The following YLPM1 variants were observed in gnomAD, a reference collection of about 807,000 sequenced individuals.
The protein encoded by YLPM1 is YLP motif-containing protein 1.
In YLPM1, 99 loss-of-function variants were observed where a neutral mutation model predicts 230.0. That is an observed-to-expected ratio of 0.43 (90% CI 0.37 to 0.51). The LOEUF (loss-of-function observed/expected upper bound fraction) is 0.51. YLPM1 is among the 20% of genes least tolerant of loss of function. The pLI, the probability that YLPM1 is intolerant of heterozygous loss-of-function variation, is 0.00. For synonymous variants in YLPM1, 984 were observed against 942.5 expected (o/e 1.04, Z -0.81); for missense variants, 2,592 against 2,707.7 (o/e 0.96, Z 0.95).
At chr14:74,814,554 T>C (rs2091461969) in intron 11 of YLPM1, among the ~76,000 whole-genome samples, 1 of 152,250 alleles carries the variant, frequency 6.6e-6, no homozygotes, top group Non-Finnish European at 1.5e-5. Context: ...TATGATGTGT[T>C]ACATTAATTG....
At chr14:74,814,253 C>T (rs983781460) in intron 11 of YLPM1, among the ~76,000 whole-genome samples, 3 of 152,212 alleles carry the variant, frequency 2.0e-5, no homozygotes, top group African/African-American at 7.2e-5. Context: ...CCCAGCTACT[C>T]AGGAGGCTAA....
chr14:74,780,377 A>C lies in YLPM1; in HGVS notation c.1111-28A>C, dbSNP rs539306004. On this transcript the variant is annotated intron_variant, in intron 2 of 20. Transcript: ENST00000325680. ...TTTTGCTTGCTGTTTTATGACTTAC[A>C]TAAAGATGTGTCCTCTTTTATCTTT... 2.8e-5 allele frequency: 44 copies of C among 1,582,186 alleles called. 2 individuals are homozygous for C. The South Asian group carries it at 4.7e-4, about 17-fold the overall frequency.
At chr14:74,824,198 G>C (rs1222138069) in intron 17 of YLPM1, 58 bp from the exon 18 acceptor site, 1 of 1,541,682 alleles carries the variant, frequency 6.5e-7, no homozygotes, top group Non-Finnish European at 8.9e-7. Flanking sequence ...GTTCAAACGT[G>C]ATATGCATGT....
rs1425403323 is a variant in YLPM1, at chr14:74,816,699, T to C, written c.5685+9T>C. 1 of 1,607,778 alleles carries C rather than the reference T, an allele frequency of 6.2e-7. No homozygotes were observed. The highest frequency in any genetic ancestry group is 1.3e-5 in the African/African-American group (1 of 74,708). The stretch of plus-strand genomic sequence containing the variant: ...AGAAAGTGAAAAAGAAGGTATGGTA[T>C]TCATCTCAGATCTCGTTCTGATTCA... On this transcript the variant is annotated intron_variant, in intron 13 of 20. Coordinates refer to ENST00000325680, the MANE Select transcript of YLPM1 (RefSeq NM_019589.3).
At chr14:74,808,469 T>A (rs1405550135) in intron 6 of YLPM1, among the ~76,000 whole-genome samples, 1 of 152,198 alleles carries the variant, frequency 6.6e-6, no homozygotes, top group African/African-American at 2.4e-5. Flanking sequence ...TTATTTTTCT[T>A]GGATAGATAC....
chr14:74,828,436 C>A (rs183490321), intron 18 of YLPM1, among the ~76,000 whole-genome samples: 1 of 152,162 alleles, frequency 6.6e-6, no homozygotes, highest in Non-Finnish European at 1.5e-5. Context: ...ATTTTCATTG[C>A]GTGTTCTTCT....
intron 4 of YLPM1, among the ~76,000 whole-genome samples, chr14:74,787,526 C>T (rs941124840): frequency 6.6e-6 from 1 of 151,792 alleles, no homozygotes; most frequent in African/African-American, 2.4e-5. Context: ...CGAGTCACTA[C>T]ACTCCAGCCT....
intron 6 of YLPM1, among the ~76,000 whole-genome samples, chr14:74,804,888 G>T (rs536491836): frequency 6.6e-6 from 1 of 151,848 alleles, no homozygotes; most frequent in African/African-American, 2.4e-5. Flanking sequence ...ATTATTTTTT[G>T]ATTTACAATA....
chr14:74,829,468 T>C, intron 19 of YLPM1, 125 bp downstream of exon 19: 1 of 1,341,794 alleles, frequency 7.5e-7, no homozygotes, highest in Non-Finnish European at 1.0e-6. Context: ...CGCTATGTCA[T>C]GTATCCCAAG....
chr14:74,798,706 C>G lies in YLPM1; in HGVS notation c.3409C>G (p.Arg1137Gly). ...TGGGAGTAGAGAGAGAATACCACCC[C>G]GAAGAGCTGGGAGCAGGGAGAGAGG... Reference protein sequence around the residue: ...RAGSRERIPPRRAGSRERGPP... With the variant: ...RAGSRERIPPGRAGSRERGPP... The change falls in exon 5 of 21, where the codon CGA (arginine) becomes GGA (glycine). Residue 1137 changes from arginine (R) to glycine (G), a missense_variant. Arg to Gly is a moderately radical substitution (Grantham distance 125, BLOSUM62 -2). Coordinates refer to ENST00000325680, the MANE Select transcript of YLPM1 (RefSeq NM_019589.3). The G allele has an allele frequency of 6.2e-7, 1 of 1,611,534 alleles. No individual in the cohort carries two copies. Among genetic ancestry groups the G allele is most frequent in the Non-Finnish European group, 8.5e-7 (1 of 1,178,576 alleles).
chr14:74,822,062 A>G (rs1594843868), intron 17 of YLPM1: 2 of 152,294 alleles, frequency 1.3e-5, no homozygotes, highest in Admixed American at 6.5e-5. Context: ...GATGGTGTCA[A>G]CCTCTACATT....
chr14:74,778,594 C>A lies in YLPM1; in HGVS notation c.1021C>A (p.Gln341Lys). ...AGAAGTTACAGTACCTGCCACCAGT[C>A]AAGTTCCAGAATCTCCTTCTTCTGA... Reference protein sequence around the residue: ...KEEVTVPATSQVPESPSSEEP... With the variant: ...KEEVTVPATSKVPESPSSEEP... The change falls in exon 2 of 21, where the codon CAA becomes AAA. Residue 341 changes from glutamine to lysine, a missense_variant. Physicochemically the swap from Gln to Lys is moderately conservative, Grantham distance 53 (BLOSUM62 1). This residue lies in a region of YLPM1 where 1,862 missense variants were observed against 1,819.8 expected (regional missense o/e 1.02). Transcript: ENST00000325680. 1.2e-6 allele frequency: 2 copies of A among 1,601,262 alleles called. No homozygotes were observed. The highest frequency in any genetic ancestry group is 1.1e-5 in the South Asian group (1 of 88,206).
At position 74,826,120 on chromosome 14, in the gene YLPM1, T is replaced by A. The variant is rs556082889; in HGVS notation, c.6163+1813T>A. ...AATCTAGGAAATAAATTTTAACATA[T>A]TTACAGTCGGGTTTTTATTTTTTAA... On this transcript the variant is annotated intron_variant, in intron 18 of 20. Coordinates refer to ENST00000325680, the MANE Select transcript of YLPM1 (RefSeq NM_019589.3). Among the ~76,000 whole-genome samples the A allele has an allele frequency of 6.6e-5, 10 of 152,284 alleles. No individual in the cohort carries two copies. In the East Asian group the frequency reaches 1.7e-3, roughly 26 times the overall value.
At chr14:74,792,041 G>C (rs1174481936) in intron 4 of YLPM1, among the ~76,000 whole-genome samples, 5 of 152,082 alleles carry the variant, frequency 3.3e-5, no homozygotes, top group Admixed American at 1.3e-4. Context: ...CAACTTTAAT[G>C]ATCTGATATA....
At chr14:74,774,350 A>G (rs1444240622) in intron 1 of YLPM1, among the ~76,000 whole-genome samples, 1 of 152,146 alleles carries the variant, frequency 6.6e-6, no homozygotes, top group African/African-American at 2.4e-5. Flanking sequence ...CTCCCGTCTC[A>G]GCCTCCCAAG....
intron 1 of YLPM1, among the ~76,000 whole-genome samples, chr14:74,769,080 A>T (rs1244764133): frequency 6.7e-6 from 1 of 150,010 alleles, no homozygotes; most frequent in Non-Finnish European, 1.5e-5. Context: ...TATTTTATTT[A>T]TTTTTATTTT....
At chr14:74,807,556 G>C (rs1018700317) in intron 6 of YLPM1, among the ~76,000 whole-genome samples, 13 of 152,238 alleles carry the variant, frequency 8.5e-5, no homozygotes, top group African/African-American at 3.1e-4. Flanking sequence ...TTGGCAACTG[G>C]GTTTCAATAT....
rs1445543123 is a variant in YLPM1 at position 74,798,759 on chromosome 14, A to G, written c.3462A>G (p.Glu1154=). Residue 1154 remains glutamate, a synonymous_variant, in exon 5 of 21, where the codon GAA becomes GAG. Transcript: ENST00000325680. ...CACCTCGAGGGCCTGGCAGTCGAGA[A>G]AGGGGACTGGGAAGATCAGATTTTG... ...RGPPRGPGSR[E]RGLGRSDFGR... 3.1e-6 allele frequency: 5 copies of G among 1,613,434 alleles called. No homozygotes were observed. Among genetic ancestry groups the G allele is most frequent in the Non-Finnish European group, 4.2e-6 (5 of 1,179,670 alleles).
In YLPM1 at chr14:74,810,276, A is replaced by G. The variant is rs773432720; in HGVS notation, c.5084A>G (p.Tyr1695Cys). 1 of 1,613,950 alleles carries G rather than the reference A, an allele frequency of 6.2e-7. No individual in the cohort carries two copies. Among genetic ancestry groups the G allele is most frequent in the East Asian group, 2.2e-5 (1 of 44,874 alleles). ...GATAGAGAAAGAGATCGTGAGCCTT[A>G]TTTTGATCGTCAAAGTAATGTCATA... ...RYDRERDREP[Y>C]FDRQSNVIAD... The change falls in exon 9 of 21, where the codon TAT becomes TGT. Residue 1695 changes from tyrosine to cysteine, a missense_variant. By Grantham distance (194) the Tyr-to-Cys change is radical. Transcript: ENST00000325680.
Sources: gnomAD v4.1 joint callset for allele counts (sites outside exome capture counted in the v4.1 genomes callset) on GRCh38, gnomAD v4.1.1 for gene constraint, gnomAD v4.1.1 regional missense constraint, MANE v1.5 for transcripts, NCBI Gene and HGNC (gene_info 2026-07-23, HGNC 2026-07-21) for gene names.